Variants in FASTKD2 observed in about 807,000 individuals in gnomAD.
FASTKD2 encodes the protein FAST kinase domain-containing protein 2, mitochondrial.
A neutral mutation model predicts 63.6 loss-of-function variants in FASTKD2; 51 were observed. The ratio of observed to expected loss-of-function variants is 0.80; its 90% CI spans 0.64 to 1.01. The LOEUF (loss-of-function observed/expected upper bound fraction) is 1.01, where lower values mean the gene tolerates loss of function less well. Ranked by LOEUF, FASTKD2 falls within the 50% of genes least tolerant of loss-of-function variation. The pLI, the probability that FASTKD2 is intolerant of heterozygous loss-of-function variation, is 0.00. For missense variants in FASTKD2, 786 were observed against 831.1 expected (o/e 0.95, Z 0.67); for synonymous variants, 284 against 293.4 (o/e 0.97, Z 0.33).
Position 206,788,091 on chromosome 2 carries a change from C to T in FASTKD2, c.1749C>T (p.Ser583=), listed in dbSNP as rs1201192757. Residue 583 remains serine (S), a synonymous_variant, in exon 9 of 12, where the codon AGC becomes AGT. Transcript: ENST00000402774. ...ATGCAAAGGTGGCAGAGGTGCTGAG[C>T]AGCCTTCTGGGAGGTGAAGGACACT... ...HTNAKVAEVL[S]SLLGGEGHFS... The T allele has an allele frequency of 1.2e-6, 2 of 1,613,596 alleles. No homozygotes were observed. Among genetic ancestry groups the T allele is most frequent in the Non-Finnish European group, 8.5e-7 (1 of 1,179,730 alleles).
intron 7 of FASTKD2, 137 bp from the exon 8 acceptor site, chr2:206,786,596 T>TA: frequency 1.3e-6 from 1 of 791,560 alleles, no homozygotes; most frequent in Non-Finnish European, 2.3e-6. Context: ...ATACACTTAT[T>TA]ATGAGATAAC....
In FASTKD2 at chr2:206,765,720, G is replaced by A. The variant is rs1689420081; in HGVS notation, c.-78G>A. ...CACATCCTAGACTTTTTACTTCGAG[G>A]AGAAGAGTCTCACGAGTTGTCCTGG... is the stretch of plus-strand genomic sequence containing the variant. On this transcript the variant is annotated 5_prime_UTR_variant, in exon 1 of 12. Transcript: ENST00000402774. The A allele has an allele frequency of 5.9e-6, 1 of 170,012 alleles. No homozygotes were observed. Among genetic ancestry groups the A allele is most frequent in the Non-Finnish European group, 1.2e-5 (1 of 83,490 alleles). 10.5% of individuals were successfully genotyped at this position (170,012 alleles called of 1,614,324 possible). A position where few individuals can be genotyped will look rare whatever the true frequency, so the allele number is the denominator to read the frequency against.
In FASTKD2 at chr2:206,795,445, G is replaced by GA. The variant is rs1469106615; in HGVS notation, c.*3644dup. Among the ~76,000 whole-genome samples, 1 of 152,204 alleles carries GA rather than the reference G, an allele frequency of 6.6e-6. No homozygotes were observed. Among genetic ancestry groups the GA allele is most frequent in the African/African-American group, 2.4e-5 (1 of 41,464 alleles). ...AACAGGGTTTCACCATGTTAGCCAG[G>GA]ATGGTCTCGATCTCCTGACCTTGCG... On this transcript the variant is annotated 3_prime_UTR_variant, in exon 12 of 12. Transcript: ENST00000402774.
intron 7 of FASTKD2, among the ~76,000 whole-genome samples, chr2:206,775,433 C>T (rs1196678241): frequency 6.6e-6 from 1 of 151,794 alleles, no homozygotes; most frequent in Non-Finnish European, 1.5e-5. Context: ...TTGAACCATC[C>T]TGGCATCCCA....
At chr2:206,767,848 A>G (rs529197076) in intron 2 of FASTKD2, among the ~76,000 whole-genome samples, 52 of 152,348 alleles carry the variant, frequency 3.4e-4, no homozygotes, top group African/African-American at 1.2e-3. Context: ...ATGATACCTA[A>G]ACTGATGAGC....
intron 10 of FASTKD2, 70 bp from the exon 11 acceptor site, chr2:206,790,502 G>T: frequency 2.1e-6 from 2 of 941,798 alleles, no homozygotes; most frequent in South Asian, 2.6e-5. Context: ...AATCTCCAGA[G>T]AACAAGAATG....
In FASTKD2 at chr2:206,793,098, T is replaced by G. The variant is rs1690333339; in HGVS notation, c.*1296T>G. ...TTAGCCGGGCATGGTGGTGCATGCCTATAATCCCAGCTACTGGGGAGGCTG... is the reference window on the plus strand; with the variant it reads ...TTAGCCGGGCATGGTGGTGCATGCCGATAATCCCAGCTACTGGGGAGGCTG... On this transcript the variant is annotated 3_prime_UTR_variant, in exon 12 of 12. Coordinates refer to ENST00000402774, the MANE Select transcript of FASTKD2 (RefSeq NM_001136193.2). 6.6e-6 allele frequency among the ~76,000 whole-genome samples: 1 copy of G among 151,762 alleles called. No homozygotes were observed. Among genetic ancestry groups the G allele is most frequent in the Non-Finnish European group, 1.5e-5 (1 of 67,966 alleles).
chr2:206,768,722 A>T (rs1390931487), intron 2 of FASTKD2, among the ~76,000 whole-genome samples: 1 of 152,188 alleles, frequency 6.6e-6, no homozygotes, highest in East Asian at 1.9e-4. Context: ...ATAATTTTTT[A>T]AAAGACAGGA....
chr2:206,785,828 T>C (rs1036681883), intron 7 of FASTKD2, among the ~76,000 whole-genome samples: 6 of 152,168 alleles, frequency 3.9e-5, no homozygotes, highest in Non-Finnish European at 8.8e-5. Context: ...TCAGTTGATT[T>C]CAGTCTCATT....
At position 206,788,024 on chromosome 2, in the gene FASTKD2, C is replaced by T. The variant is rs779930246; in HGVS notation, c.1682C>T (p.Ser561Leu). The change falls in exon 9 of 12, where the codon TCA becomes TTA. Residue 561 changes from serine (S) to leucine (L), a missense_variant. Ser to Leu is a moderately radical substitution (Grantham distance 145). Transcript: ENST00000402774. ...DTVYLRDIAL[S>L]LPQLPRELPS... ...GTCTATCTGAGGGACATAGCCTTGT[C>T]ACTCCCACAGCTGCCGCGGGAGCTG... is the stretch of plus-strand genomic sequence containing the variant. 1.2e-6 allele frequency: 2 copies of T among 1,613,536 alleles called. No individual in the cohort carries two copies. The highest frequency in any genetic ancestry group is 1.7e-6 in the Non-Finnish European group (2 of 1,179,582).
At chr2:206,779,848 CTTG>C (rs1361359053) in intron 7 of FASTKD2, among the ~76,000 whole-genome samples, 1 of 152,048 alleles carries the variant, frequency 6.6e-6, no homozygotes, top group African/African-American at 2.4e-5. Flanking sequence ...TCCTTTGTGA[CTTG>C]TTGATTCTTT....
intron 2 of FASTKD2, among the ~76,000 whole-genome samples, chr2:206,768,730 G>A (rs2105971793): frequency 6.6e-6 from 1 of 152,264 alleles, no homozygotes; most frequent in East Asian, 1.9e-4. Flanking sequence ...TTAAAAGACA[G>A]GAATTCCTTG....
At chr2:206,780,897 C>T (rs144360463) in intron 7 of FASTKD2, among the ~76,000 whole-genome samples, 2 of 152,154 alleles carry the variant, frequency 1.3e-5, no homozygotes, top group African/African-American at 4.8e-5. Flanking sequence ...TGGTATGGCC[C>T]TCTAGTCAAT....
rs1232891681 is a variant in FASTKD2, at chr2:206,791,996, G to A, written c.*194G>A. 2 of 593,966 alleles carry A rather than the reference G, an allele frequency of 3.4e-6. No homozygotes were observed. Among genetic ancestry groups the A allele is most frequent in the African/African-American group, 3.7e-5 (2 of 53,644 alleles). 36.8% of individuals were successfully genotyped at this position (593,966 alleles called of 1,614,324 possible). On this transcript the variant is annotated 3_prime_UTR_variant, in exon 12 of 12. Coordinates refer to ENST00000402774, the MANE Select transcript of FASTKD2 (RefSeq NM_001136193.2). ...AAAATATGCTGAGAAAATTCCAGAA[G>A]GGTTATTTTTCCAACCACACCTATT...
intron 11 of FASTKD2, 26 bp from the exon 12 acceptor site, chr2:206,791,655 CTG>C (rs777018774): frequency 6.2e-7 from 1 of 1,607,794 alleles, no homozygotes; most frequent in Non-Finnish European, 8.5e-7. Context: ...GTCTCACAAA[CTG>C]ATTATTTTCC....
At chr2:206,767,539 T>G in intron 2 of FASTKD2, 69 bp downstream of exon 2, 2 of 1,180,900 alleles carry the variant, frequency 1.7e-6, no homozygotes, top group Non-Finnish European at 2.5e-6. Context: ...TGAAGGGATA[T>G]AGATATGTAG....
rs2105993496 is a variant in FASTKD2, at chr2:206,795,907, C to T, written c.*4105C>T. On this transcript the variant is annotated 3_prime_UTR_variant, in exon 12 of 12. Transcript: ENST00000402774. ...TCTTCATGACTTTCCAGCTTCCAGG[C>T]TGTAAGCAGAGATAGCATCTCTTCT... 6.6e-6 allele frequency among the ~76,000 whole-genome samples: 1 copy of T among 152,254 alleles called. No individual in the cohort carries two copies. Among genetic ancestry groups the T allele is most frequent in the Non-Finnish European group, 1.5e-5 (1 of 68,024 alleles).
At chr2:206,782,645 G>C (rs979202885) in intron 7 of FASTKD2, among the ~76,000 whole-genome samples, 9 of 152,150 alleles carry the variant, frequency 5.9e-5, no homozygotes, top group Non-Finnish European at 1.3e-4. Context: ...CATATAAAAT[G>C]TCATTTGTTA....
intron 2 of FASTKD2, among the ~76,000 whole-genome samples, chr2:206,767,888 A>G (rs1689568988): frequency 6.6e-6 from 1 of 152,230 alleles, no homozygotes; most frequent in South Asian, 2.1e-4. Context: ...TGGTGTTTCA[A>G]GTAGAGAGGA....
Sources: gnomAD v4.1 joint callset for allele counts (sites outside exome capture counted in the v4.1 genomes callset) on GRCh38, gnomAD v4.1.1 for gene constraint, MANE v1.5 for transcripts, NCBI Gene and HGNC (gene_info 2026-07-23, HGNC 2026-07-21) for gene names.